WDR7: variants seen among roughly 807,000 people sequenced by gnomAD.
WDR7 encodes the protein WD repeat domain 7.
Under a neutral mutation model 169.4 loss-of-function variants are expected in WDR7, and 46 were observed. That is an observed-to-expected ratio of 0.27 (90% confidence interval 0.21 to 0.35). The LOEUF (loss-of-function observed/expected upper bound fraction) is 0.35. Among genes scored for constraint, WDR7 ranks in the 10% least tolerant of loss-of-function variants. The pLI is 1.00. For synonymous variants in WDR7, 612 were observed against 666.8 expected (o/e 0.92, Z 1.27); for missense variants, 1,534 against 1,859.3 (o/e 0.83, Z 3.22).
At chr18:56,863,888 A>G (rs2045844907) in intron 20 of WDR7, among the ~76,000 whole-genome samples, 1 of 151,778 alleles carries the variant, frequency 6.6e-6, no homozygotes, top group Middle Eastern at 3.2e-3. Context: ...GCCATTTTAT[A>G]TCTCGAAATG....
At chr18:56,856,015 G>A (rs1008655494) in intron 20 of WDR7, among the ~76,000 whole-genome samples, 5 of 152,100 alleles carry the variant, frequency 3.3e-5, no homozygotes, top group Non-Finnish European at 7.4e-5. Context: ...AGTCACTCTG[G>A]TACCTCTGGG....
chr18:56,801,302 C>T (rs1330270204), intron 19 of WDR7, among the ~76,000 whole-genome samples: 1 of 152,162 alleles, frequency 6.6e-6, no homozygotes, highest in Non-Finnish European at 1.5e-5. Context: ...TTTAGCTTTA[C>T]ATTAACCAGT....
chr18:56,755,807 C>T (rs1373534341), intron 14 of WDR7, among the ~76,000 whole-genome samples: 2 of 152,154 alleles, frequency 1.3e-5, no homozygotes, highest in Non-Finnish European at 2.9e-5. Context: ...GAGGTACTCT[C>T]CAGATAAATC....
chr18:56,794,071 TTTCTA>T (rs2044538536), intron 19 of WDR7, among the ~76,000 whole-genome samples: 1 of 152,126 alleles, frequency 6.6e-6, no homozygotes, highest in African/African-American at 2.4e-5. Context: ...ACCAATGTGT[TTTCTA>T]TTCTGTTTTA....
At chr18:56,726,977 C>G (rs1158020339) in intron 13 of WDR7, among the ~76,000 whole-genome samples, 2 of 152,144 alleles carry the variant, frequency 1.3e-5, no homozygotes, top group Non-Finnish European at 2.9e-5. Flanking sequence ...GGAGGACCTT[C>G]TGCAGGTTTC....
intron 26 of WDR7, among the ~76,000 whole-genome samples, chr18:57,018,376 A>G (rs1314165775): frequency 6.6e-6 from 1 of 152,212 alleles, no homozygotes; most frequent in Admixed American, 6.5e-5. Flanking sequence ...TTTGTAATAG[A>G]AAGGTTGCAT....
intron 12 of WDR7, among the ~76,000 whole-genome samples, chr18:56,697,680 T>A (rs1286639536): frequency 6.6e-6 from 1 of 152,216 alleles, no homozygotes; most frequent in Non-Finnish European, 1.5e-5. Flanking sequence ...AGTTATGTCC[T>A]ATGGTGAAAC....
At chr18:56,859,533 G>A (rs2045772384) in intron 20 of WDR7, among the ~76,000 whole-genome samples, 1 of 152,016 alleles carries the variant, frequency 6.6e-6, no homozygotes, top group South Asian at 2.1e-4. Flanking sequence ...ATTATACTTT[G>A]GAATTTGTAT....
At chr18:56,936,570 C>T (rs2046963759) in intron 23 of WDR7, among the ~76,000 whole-genome samples, 1 of 152,074 alleles carries the variant, frequency 6.6e-6, no homozygotes, top group African/African-American at 2.4e-5. Context: ...GGGGTATGGG[C>T]TCTGTCTGAG....
At chr18:56,794,781 A>T (rs1313774760) in intron 19 of WDR7, among the ~76,000 whole-genome samples, 3 of 152,202 alleles carry the variant, frequency 2.0e-5, no homozygotes. Context: ...AAGTTCATAT[A>T]TAACAGTTGG....
intron 19 of WDR7, among the ~76,000 whole-genome samples, chr18:56,809,009 C>T (rs1001257596): frequency 7.2e-5 from 11 of 152,154 alleles, no homozygotes; most frequent in African/African-American, 2.6e-4. Flanking sequence ...CTAGCTACAA[C>T]CCTCCCACTT....
chr18:56,660,841 T>C (rs2024890330), intron 1 of WDR7, among the ~76,000 whole-genome samples: 1 of 152,122 alleles, frequency 6.6e-6, no homozygotes, highest in Non-Finnish European at 1.5e-5. Flanking sequence ...TGATAATGGA[T>C]TTAACAGTGG....
Position 56,878,220 on chromosome 18 carries a change from ATCTT to A in WDR7, c.3305-1719_3305-1716del, listed in dbSNP as rs1374233170. ...TTAATTATTTTTGGGTATCCTTCTA[ATCTT>A]TCTTCTGAATATGAAACTATGCTGA... On this transcript the variant is annotated intron_variant, in intron 20 of 27. Coordinates refer to ENST00000254442, the MANE Select transcript of WDR7 (RefSeq NM_015285.3). Among the ~76,000 whole-genome samples the A allele has an allele frequency of 2.6e-5, 4 of 152,182 alleles. No homozygotes were observed. In the East Asian group the frequency reaches 7.7e-4, roughly 29 times the overall value.
At chr18:56,956,485 G>T (rs1289192029) in intron 25 of WDR7, among the ~76,000 whole-genome samples, 1 of 152,102 alleles carries the variant, frequency 6.6e-6, no homozygotes, top group Non-Finnish European at 1.5e-5. Context: ...ACCTACCCTT[G>T]AATCTTTTAG....
chr18:56,987,733 C>G (rs62098627), intron 26 of WDR7, among the ~76,000 whole-genome samples: 54,943 of 151,934 alleles, frequency 0.36, 10,387 homozygotes, highest in African/African-American at 0.47. Context: ...GAGTATATCA[C>G]GTTATTTTTT....
chr18:56,778,130 C>T (rs780844619), intron 17 of WDR7, among the ~76,000 whole-genome samples: 3 of 152,110 alleles, frequency 2.0e-5, no homozygotes, highest in Non-Finnish European at 2.9e-5. Flanking sequence ...GTGTTTCCAT[C>T]ACCTTAATTA....
chr18:56,804,625 G>A (rs368788187), intron 19 of WDR7, among the ~76,000 whole-genome samples: 47 of 152,272 alleles, frequency 3.1e-4, no homozygotes, highest in African/African-American at 1.1e-3. Context: ...ATGTATTAAT[G>A]CATATCACTG....
At chr18:56,681,252 A>G in intron 3 of WDR7, 61 bp from the exon 4 acceptor site, 1 of 1,117,294 alleles carries the variant, frequency 9.0e-7, no homozygotes. Flanking sequence ...AATCACTGTG[A>G]CAAAGTTGAA....
chr18:56,680,348 A>G (rs1188563188), intron 3 of WDR7, among the ~76,000 whole-genome samples: 1 of 152,158 alleles, frequency 6.6e-6, no homozygotes, highest in Non-Finnish European at 1.5e-5. Context: ...ACACAGTGAG[A>G]CCCTGTCTCA....
Sources: allele counts gnomAD v4.1 joint callset (sites outside exome capture counted in the v4.1 genomes callset), GRCh38; gene constraint gnomAD v4.1.1; transcripts MANE v1.5; gene names NCBI Gene and HGNC (gene_info 2026-07-23, HGNC 2026-07-21).